HS3ST4: variants seen among roughly 807,000 people sequenced by gnomAD.
HS3ST4 encodes the protein heparan sulfate glucosamine 3-O-sulfotransferase 4.
In HS3ST4, 17 loss-of-function variants were observed where a neutral mutation model predicts 29.2. The ratio of observed to expected loss-of-function variants is 0.58; its 90% CI spans 0.40 to 0.87. The LOEUF (loss-of-function observed/expected upper bound fraction) is 0.87, where lower values mean the gene tolerates loss of function less well. HS3ST4 is among the 40% of genes least tolerant of loss of function. HS3ST4 has a pLI of 0.00. For missense variants in HS3ST4, 627 were observed against 634.5 expected, an observed-to-expected ratio of 0.99 and a Z score of 0.13; for synonymous variants, 314 against 285.7, an observed-to-expected ratio of 1.10 and a Z score of -1.00.
chr16:26,054,115 G>A (rs147132187), intron 1 of HS3ST4, among the ~76,000 whole-genome samples: 113 of 152,262 alleles, frequency 7.4e-4, no homozygotes, highest in African/African-American at 2.6e-3. Context: ...TTTAGCAGGT[G>A]GAGACAATCC....
chr16:25,943,441 A>C (rs1464501382), intron 1 of HS3ST4, among the ~76,000 whole-genome samples: 1 of 152,208 alleles, frequency 6.6e-6, no homozygotes, highest in Non-Finnish European at 1.5e-5. Context: ...CTCAAAAGGA[A>C]GGCAGAAAAA....
intron 1 of HS3ST4, among the ~76,000 whole-genome samples, chr16:25,986,674 G>A (rs957897660): frequency 1.3e-5 from 2 of 152,126 alleles, no homozygotes; most frequent in African/African-American, 4.8e-5. Context: ...CAAATTAGCC[G>A]AGGCCATTTG....
intron 1 of HS3ST4, among the ~76,000 whole-genome samples, chr16:26,026,887 C>G (rs1969481254): frequency 6.6e-6 from 1 of 152,126 alleles, no homozygotes; most frequent in South Asian, 2.1e-4. Context: ...GGGAGATGTC[C>G]TCATGGGACA....
At chr16:25,732,564 A>G (rs1966577650) in intron 1 of HS3ST4, among the ~76,000 whole-genome samples, 2 of 152,224 alleles carry the variant, frequency 1.3e-5, no homozygotes, top group South Asian at 4.1e-4. Context: ...TGGGTGCCAC[A>G]ATGAATGGTC....
chr16:25,828,759 C>G (rs1404614427), intron 1 of HS3ST4, among the ~76,000 whole-genome samples: 1 of 152,152 alleles, frequency 6.6e-6, no homozygotes, highest in African/African-American at 2.4e-5. Flanking sequence ...AGAACATGTG[C>G]TATTTGCATT....
intron 1 of HS3ST4, among the ~76,000 whole-genome samples, chr16:26,087,795 C>G (rs1374207756): frequency 6.6e-6 from 1 of 152,048 alleles, no homozygotes; most frequent in Admixed American, 6.5e-5. Flanking sequence ...CAGGTTGGTG[C>G]CCAAAAAGTT....
chr16:25,734,908 C>G (rs1413811035), intron 1 of HS3ST4, among the ~76,000 whole-genome samples: 5 of 152,190 alleles, frequency 3.3e-5, no homozygotes, highest in Admixed American at 3.3e-4. Flanking sequence ...CCACATCATT[C>G]CTCCTGGGGA....
At chr16:25,843,360 C>T (rs1244060265) in intron 1 of HS3ST4, among the ~76,000 whole-genome samples, 1 of 152,158 alleles carries the variant, frequency 6.6e-6, no homozygotes, top group African/African-American at 2.4e-5. Flanking sequence ...GACGCTGCCC[C>T]TTTACAAGCC....
chr16:25,924,928 T>TG (rs1968388137), intron 1 of HS3ST4, among the ~76,000 whole-genome samples: 1 of 152,020 alleles, frequency 6.6e-6, no homozygotes, highest in Non-Finnish European at 1.5e-5. Flanking sequence ...TCCATTAGGG[T>TG]GCTTTGATTG....
chr16:25,855,701 C>A (rs1967568000), intron 1 of HS3ST4, among the ~76,000 whole-genome samples: 1 of 152,168 alleles, frequency 6.6e-6, no homozygotes, highest in South Asian at 2.1e-4. Context: ...TTTAGTTTTT[C>A]AGGTTACTCT....
intron 1 of HS3ST4, among the ~76,000 whole-genome samples, chr16:25,707,117 G>T (rs7200279): frequency 6.6e-6 from 1 of 151,864 alleles, no homozygotes; most frequent in African/African-American, 2.4e-5. Flanking sequence ...ATTGACTGTC[G>T]TGGTATCTCA....
At chr16:25,863,416 G>A (rs1420901956) in intron 1 of HS3ST4, among the ~76,000 whole-genome samples, 1 of 152,082 alleles carries the variant, frequency 6.6e-6, no homozygotes, top group African/African-American at 2.4e-5. Flanking sequence ...TCTGTGGCTT[G>A]ACTTTTCTCT....
intron 1 of HS3ST4, among the ~76,000 whole-genome samples, chr16:26,090,026 A>G (rs1026617551): frequency 4.6e-5 from 7 of 152,222 alleles, no homozygotes; most frequent in African/African-American, 1.7e-4. Flanking sequence ...TTTTTACTTT[A>G]TAATTTTCTT....
intron 1 of HS3ST4, among the ~76,000 whole-genome samples, chr16:25,809,776 G>T (rs1464692646): frequency 2.0e-5 from 3 of 152,116 alleles, no homozygotes; most frequent in African/African-American, 7.2e-5. Flanking sequence ...GTTGAATAGT[G>T]TATAGTTGTT....
At chr16:26,128,347 G>A (rs1223271866) in intron 1 of HS3ST4, among the ~76,000 whole-genome samples, 1 of 152,184 alleles carries the variant, frequency 6.6e-6, no homozygotes. Flanking sequence ...ATACTCAGTG[G>A]AATTAATGAG....
intron 1 of HS3ST4, among the ~76,000 whole-genome samples, chr16:25,845,643 G>A (rs1458551466): frequency 2.1e-5 from 2 of 93,376 alleles, no homozygotes; most frequent in Admixed American, 1.4e-4. Context: ...CCAAGGAATA[G>A]CATGTAATAA....
chr16:25,830,321 T>C (rs1967281247), intron 1 of HS3ST4, among the ~76,000 whole-genome samples: 2 of 152,366 alleles, frequency 1.3e-5, no homozygotes, highest in Non-Finnish European at 2.9e-5. Flanking sequence ...TTCTTTATCC[T>C]CTTTCACCAT....
At chr16:26,059,248 T>G (rs1473795099) in intron 1 of HS3ST4, among the ~76,000 whole-genome samples, 1 of 151,744 alleles carries the variant, frequency 6.6e-6, no homozygotes, top group Non-Finnish European at 1.5e-5. Flanking sequence ...ATTTGGGCTG[T>G]TTTTTCCCTT....
At chr16:25,803,946 C>T (rs905698146) in intron 1 of HS3ST4, among the ~76,000 whole-genome samples, 11 of 152,004 alleles carry the variant, frequency 7.2e-5, no homozygotes, top group African/African-American at 2.4e-4. Flanking sequence ...TTCCCCCTCC[C>T]CCTCTCCTTC....
Sources: allele counts gnomAD v4.1 joint callset (sites outside exome capture counted in the v4.1 genomes callset), GRCh38; gene constraint gnomAD v4.1.1; transcripts MANE v1.5; gene names NCBI Gene and HGNC (gene_info 2026-07-23, HGNC 2026-07-21).